Variants in ITPK1 observed in about 807,000 individuals in gnomAD.
ITPK1 encodes inositol 1,3,4-trisphosphate 5/6-kinase.
Under a neutral mutation model 45.3 loss-of-function variants are expected in ITPK1, and 21 were observed. That is an observed-to-expected ratio of 0.46 (90% CI 0.33 to 0.67). The LOEUF is 0.67. Among genes scored for constraint, ITPK1 ranks in the 30% least tolerant of loss-of-function variants. The probability of loss-of-function intolerance (pLI) is 0.02; values close to 1 mark genes in which losing one functional copy is unlikely to be tolerated. For missense variants in ITPK1, 474 were observed against 573.5 expected (o/e 0.83, Z 1.77); for synonymous variants, 258 against 253.6 (o/e 1.02, Z -0.16).
chr14:93,019,784 G>A (rs1399261828), intron 3 of ITPK1, among the ~76,000 whole-genome samples: 5 of 152,184 alleles, frequency 3.3e-5, no homozygotes, highest in East Asian at 1.9e-4. Flanking sequence ...GGGAGGCCAC[G>A]GAGAAAAGGA....
chr14:92,951,819 G>A (rs1404240795), intron 9 of ITPK1, 127 bp downstream of exon 9: 3 of 713,896 alleles, frequency 4.2e-6, no homozygotes, highest in East Asian at 2.7e-5. Context: ...CTGTGGCATG[G>A]AGGCAAACGT....
chr14:93,095,188 T>TACCACC (rs769094249), intron 2 of ITPK1, among the ~76,000 whole-genome samples: 1 of 152,032 alleles, frequency 6.6e-6, no homozygotes. Flanking sequence ...ACCACCTACA[T>TACCACC]ACCACCACCA....
chr14:92,990,972 CAG>C (rs976012264), intron 5 of ITPK1, among the ~76,000 whole-genome samples: 3 of 152,142 alleles, frequency 2.0e-5, no homozygotes, highest in African/African-American at 7.2e-5. Flanking sequence ...TGCAGCTGTC[CAG>C]AGTCTCTGAA....
At chr14:93,052,530 C>A (rs995646763) in intron 3 of ITPK1, among the ~76,000 whole-genome samples, 3 of 152,144 alleles carry the variant, frequency 2.0e-5, no homozygotes, top group Non-Finnish European at 4.4e-5. Flanking sequence ...ACCCTGGGGG[C>A]CTTATCTGTC....
intron 8 of ITPK1, among the ~76,000 whole-genome samples, chr14:92,957,656 G>A (rs1483109825): frequency 3.3e-5 from 5 of 152,214 alleles, no homozygotes; most frequent in Admixed American, 2.0e-4. Context: ...TCACTGGCAC[G>A]GTAGGAGTCC....
At chr14:92,980,074 A>T (rs994766450) in intron 5 of ITPK1, among the ~76,000 whole-genome samples, 46 of 152,110 alleles carry the variant, frequency 3.0e-4, no homozygotes, top group Non-Finnish European at 5.3e-4. Flanking sequence ...AGCCACCATG[A>T]CAGGCCTCAA....
intron 3 of ITPK1, chr14:93,067,352 A>G (rs1890802206): frequency 1.3e-5 from 2 of 151,566 alleles, no homozygotes; most frequent in African/African-American, 4.8e-5. Flanking sequence ...GCACCCAGGC[A>G]CCCTGGAGCA....
intron 2 of ITPK1, among the ~76,000 whole-genome samples, chr14:93,114,007 C>A (rs146490770): frequency 6.6e-6 from 1 of 152,180 alleles, no homozygotes; most frequent in Admixed American, 6.5e-5. Context: ...CCAGGGGTTA[C>A]GGAAACCCAA....
chr14:93,021,288 ACAGACTTC>A (rs1448539874), intron 3 of ITPK1, among the ~76,000 whole-genome samples: 2 of 152,032 alleles, frequency 1.3e-5, no homozygotes, highest in Admixed American at 1.3e-4. Flanking sequence ...AACCTCATGG[ACAGACTTC>A]CAGAAGGATG....
At chr14:93,053,662 G>C (rs945816084) in intron 3 of ITPK1, among the ~76,000 whole-genome samples, 3 of 152,150 alleles carry the variant, frequency 2.0e-5, no homozygotes, top group East Asian at 1.9e-4. Context: ...ATGCACCCAG[G>C]GAGGTTCACT....
chr14:93,010,559 C>A (rs536176159), intron 4 of ITPK1, among the ~76,000 whole-genome samples: 108 of 152,232 alleles, frequency 7.1e-4, no homozygotes, highest in Non-Finnish European at 9.8e-4. Context: ...CTGACCCCCA[C>A]CTGGCCCTGC....
intron 5 of ITPK1, among the ~76,000 whole-genome samples, chr14:92,988,330 G>A (rs990582234): frequency 2.0e-5 from 3 of 152,186 alleles, no homozygotes; most frequent in Admixed American, 1.3e-4. Context: ...CAGCTGAGAC[G>A]CCCACTCAGC....
intron 2 of ITPK1, among the ~76,000 whole-genome samples, chr14:93,103,099 CAAAAAAA>C (rs71123389): frequency 4.4e-5 from 3 of 68,892 alleles, no homozygotes; most frequent in East Asian, 4.8e-4. Flanking sequence ...GACTCCATCT[CAAAAAAA>C]AAAAAAAAAA....
intron 2 of ITPK1, among the ~76,000 whole-genome samples, chr14:93,092,639 A>C (rs150598195): frequency 1.1e-3 from 163 of 152,364 alleles, no homozygotes; most frequent in Non-Finnish European, 1.5e-3. Flanking sequence ...CATTCTTGGA[A>C]GACGAGAGTA....
chr14:93,006,236 G>C (rs1404257900), intron 4 of ITPK1, among the ~76,000 whole-genome samples: 4 of 152,208 alleles, frequency 2.6e-5, no homozygotes, highest in Non-Finnish European at 4.4e-5. Context: ...CCCAACAAGG[G>C]GTAGGGGAAA....
rs1339755817 is a variant in ITPK1 at position 92,940,752 on chromosome 14, C to T, written c.*809G>A. On this transcript the variant is annotated 3_prime_UTR_variant, in exon 11 of 11. Transcript: ENST00000267615. ...AGGCCCAAAGACCTGGAATGATTTG[C>T]CCAAATCACAGCACAAATCCTCAGC... 1.6e-6 allele frequency: 2 copies of T among 1,289,102 alleles called. No individual in the cohort carries two copies. The allele number at this position is 1,289,102 out of a possible 1,614,324, so 79.9% of individuals were successfully genotyped here.
Position 92,958,858 on chromosome 14 carries a change from T to C in ITPK1, c.505-492A>G, listed in dbSNP as rs1432951131. Among the ~76,000 whole-genome samples the C allele has an allele frequency of 6.6e-6, 1 of 152,182 alleles. No homozygotes were observed. Among genetic ancestry groups the C allele is most frequent in the African/African-American group, 2.4e-5 (1 of 41,430 alleles). The stretch of plus-strand genomic sequence containing the variant: ...AGCAGTTGTGACAAGCCGGGCCCTG[T>C]TCTGAGCACGTACACCAGTTACCTA... On this transcript the variant is annotated intron_variant, in intron 7 of 10. Transcript: ENST00000267615. The surrounding 1 kb of genome is among the most constrained non-coding windows in gnomAD (Gnocchi z 4.4).
intron 3 of ITPK1, among the ~76,000 whole-genome samples, chr14:93,019,060 T>C (rs892403146): frequency 7.9e-5 from 12 of 152,238 alleles, no homozygotes; most frequent in African/African-American, 2.7e-4. Context: ...AGAGAGGCCA[T>C]GGGCAGAGAA....
At chr14:92,991,004 C>T (rs934206282) in intron 5 of ITPK1, among the ~76,000 whole-genome samples, 4 of 150,316 alleles carry the variant, frequency 2.7e-5, no homozygotes, top group African/African-American at 7.4e-5. Context: ...GTCTTACTGC[C>T]GGGGCAGGGG....
Sources: gnomAD v4.1 joint callset for allele counts (sites outside exome capture counted in the v4.1 genomes callset) on GRCh38, gnomAD v4.1.1 for gene constraint, Gnocchi (gnomAD v3.1) non-coding constraint, MANE v1.5 for transcripts, NCBI Gene and HGNC (gene_info 2026-07-23, HGNC 2026-07-21) for gene names.